Variants in NEDD4L observed in about 807,000 individuals in gnomAD.
NEDD4L encodes E3 ubiquitin-protein ligase NEDD4-like.
In NEDD4L, 54 loss-of-function variants were observed where a neutral mutation model predicts 148.9. The observed-to-expected ratio is 0.36, with a 90% CI of 0.29 to 0.45. The LOEUF (loss-of-function observed/expected upper bound fraction) is 0.45, where lower values mean the gene tolerates loss of function less well. Among genes scored for constraint, NEDD4L ranks in the 20% least tolerant of loss-of-function variants. NEDD4L has a pLI of 1.00. For synonymous variants in NEDD4L, 433 were observed against 440.7 expected, an observed-to-expected ratio of 0.98 and a Z score of 0.22; for missense variants, 856 against 1,233.8, an observed-to-expected ratio of 0.69 and a Z score of 4.59.
chr18:58,165,877 T>C lies in NEDD4L; in HGVS notation c.122+16T>C, dbSNP rs763624390. The C allele has an allele frequency of 6.3e-7, 1 of 1,591,134 alleles. No individual in the cohort carries two copies. Among genetic ancestry groups the C allele is most frequent in the Admixed American group, 1.7e-5 (1 of 57,186 alleles). On this transcript the variant is annotated intron_variant, in intron 2 of 30. Transcript: ENST00000400345. ...TTGGAGCCAGGTATGTTGGCTTTGTTTTTATTTCTGTGGACTTCTGAAAAA... is the reference window on the plus strand; with the variant it reads ...TTGGAGCCAGGTATGTTGGCTTTGTCTTTATTTCTGTGGACTTCTGAAAAA...
At chr18:58,334,035 C>G (rs948517450) in intron 12 of NEDD4L, 143 bp downstream of exon 12, 2 of 527,856 alleles carry the variant, frequency 3.8e-6, no homozygotes, top group Non-Finnish European at 6.6e-6. Context: ...GCCAATTGCC[C>G]TAGGAAAGTG....
chr18:58,338,722 C>A (rs1271727131), intron 13 of NEDD4L, among the ~76,000 whole-genome samples: 1 of 152,132 alleles, frequency 6.6e-6, no homozygotes, highest in East Asian at 1.9e-4. Flanking sequence ...TCGAGACCAG[C>A]CTGACCAACG....
chr18:58,308,871 C>T (rs2149335783), intron 5 of NEDD4L, among the ~76,000 whole-genome samples: 1 of 152,356 alleles, frequency 6.6e-6, no homozygotes, highest in East Asian at 1.9e-4. Context: ...ATGCCCTCAT[C>T]ACCCAGTGTA....
At chr18:58,269,846 G>C (rs1029753139) in intron 5 of NEDD4L, among the ~76,000 whole-genome samples, 4 of 149,574 alleles carry the variant, frequency 2.7e-5, no homozygotes, top group Non-Finnish European at 6.1e-5. Context: ...CTAGAGGTGG[G>C]AGATGTCCTT....
chr18:58,383,466 G>A (rs1333750644), intron 25 of NEDD4L, 147 bp downstream of exon 25: 4 of 593,936 alleles, frequency 6.7e-6, no homozygotes, highest in Non-Finnish European at 1.2e-5. Context: ...TCTGGCTTGG[G>A]CTAATGGGAA....
intron 24 of NEDD4L, among the ~76,000 whole-genome samples, chr18:58,380,296 T>TTTTTTTTA (rs1555863201): frequency 2.0e-4 from 29 of 141,814 alleles, no homozygotes; most frequent in African/African-American, 7.7e-4. Flanking sequence ...TTCTTTTTTA[T>TTTTTTTTA]TTTATTTATT....
intron 2 of NEDD4L, among the ~76,000 whole-genome samples, chr18:58,235,950 T>C (rs1213098488): frequency 6.6e-6 from 1 of 151,916 alleles, no homozygotes; most frequent in Non-Finnish European, 1.5e-5. Context: ...GGAGAATCGC[T>C]TGAACCTGGG....
intron 5 of NEDD4L, among the ~76,000 whole-genome samples, chr18:58,285,863 A>G (rs1276347145): frequency 1.3e-5 from 2 of 152,234 alleles, no homozygotes; most frequent in Admixed American, 6.5e-5. Context: ...TCTTTACCCT[A>G]CAAATCTTAT....
chr18:58,306,787 G>A (rs540475832), intron 5 of NEDD4L, among the ~76,000 whole-genome samples: 30 of 152,148 alleles, frequency 2.0e-4, no homozygotes, highest in Admixed American at 7.9e-4. Context: ...CACCACGCCC[G>A]GCTAATTTTT....
intron 1 of NEDD4L, among the ~76,000 whole-genome samples, chr18:58,050,977 A>G (rs539518540): frequency 2.0e-5 from 3 of 152,262 alleles, no homozygotes; most frequent in South Asian, 2.1e-4. Flanking sequence ...GTACCTCAAT[A>G]TATCTGGTAT....
At chr18:58,045,042 T>G (rs772294318) in intron 1 of NEDD4L, 2 of 408,054 alleles carry the variant, frequency 4.9e-6, no homozygotes, top group African/African-American at 2.1e-5. Flanking sequence ...CCGGGGCTGT[T>G]GGGCAACTTT....
rs777448492 is a variant in NEDD4L, at chr18:58,252,087, A to C, written c.297+33A>C. On this transcript the variant is annotated intron_variant, in intron 5 of 30. Transcript: ENST00000400345. The stretch of plus-strand genomic sequence containing the variant: ...GATGCCTGTATTTGAATTTTGCTTC[A>C]TTTTTTTATTAACTGGATTTTCAGA... 16 of 1,408,310 alleles carry C rather than the reference A, an allele frequency of 1.1e-5. 1 individual carries two copies. The South Asian group carries it at 1.8e-4, about 16-fold the overall frequency. The allele number at this position is 1,408,310 out of a possible 1,614,324, so 87.2% of individuals were successfully genotyped here. A position where few individuals can be genotyped will look rare whatever the true frequency, so the allele number is the denominator to read the frequency against.
intron 2 of NEDD4L, among the ~76,000 whole-genome samples, chr18:58,234,877 G>A (rs770600105): frequency 3.9e-5 from 6 of 152,240 alleles, no homozygotes; most frequent in Admixed American, 1.3e-4. Flanking sequence ...CACCTGGGGG[G>A]CTGCCTGTTC....
chr18:58,385,656 C>T, intron 26 of NEDD4L, 70 bp downstream of exon 26: 1 of 1,269,194 alleles, frequency 7.9e-7, no homozygotes, highest in African/African-American at 1.5e-5. Context: ...TCGCGCTTCT[C>T]CTTTAGCTAG....
At chr18:58,363,156 T>G (rs892056076) in intron 19 of NEDD4L, among the ~76,000 whole-genome samples, 1 of 151,242 alleles carries the variant, frequency 6.6e-6, no homozygotes, top group African/African-American at 2.5e-5. Flanking sequence ...TCTGGAAGAG[T>G]GGTTGTTTGT....
At chr18:58,225,424 G>A (rs2044247813) in intron 2 of NEDD4L, among the ~76,000 whole-genome samples, 1 of 152,214 alleles carries the variant, frequency 6.6e-6, no homozygotes, top group East Asian at 1.9e-4. Flanking sequence ...AGCCCCAGCC[G>A]CTTCATCTGC....
At chr18:58,284,049 T>C (rs2053563531) in intron 5 of NEDD4L, among the ~76,000 whole-genome samples, 1 of 152,150 alleles carries the variant, frequency 6.6e-6, no homozygotes, top group South Asian at 2.1e-4. Context: ...GACCATGGAA[T>C]CTCCCTCAGC....
At chr18:58,338,713 C>T (rs373248342) in intron 13 of NEDD4L, among the ~76,000 whole-genome samples, 15 of 152,180 alleles carry the variant, frequency 9.9e-5, no homozygotes, top group African/African-American at 2.9e-4. Context: ...GTCAGCAGTT[C>T]GAGACCAGCC....
At chr18:58,082,913 A>T (rs987841893) in intron 1 of NEDD4L, among the ~76,000 whole-genome samples, 2 of 151,936 alleles carry the variant, frequency 1.3e-5, no homozygotes, top group Admixed American at 1.3e-4. Flanking sequence ...ATATTTCTGT[A>T]TTACAAATAA....
Sources: gnomAD v4.1 joint callset for allele counts (sites outside exome capture counted in the v4.1 genomes callset) on GRCh38, gnomAD v4.1.1 for gene constraint, MANE v1.5 for transcripts, NCBI Gene and HGNC (gene_info 2026-07-23, HGNC 2026-07-21) for gene names.